Variants in ZNF875 observed in about 807,000 individuals in gnomAD.
ZNF875 encodes HKR1, GLI-Kruppel zinc finger family member.
In ZNF875, 14 loss-of-function variants were observed where a neutral mutation model predicts 11.2. That is an observed-to-expected ratio of 1.26 (90% confidence interval 0.83 to 1.96). The LOEUF is 1.96. Among genes scored for constraint, ZNF875 ranks in the 30% most tolerant of loss-of-function variants. ZNF875 has a pLI of 0.00. For synonymous variants in ZNF875, 301 were observed against 281.1 expected (o/e 1.07, Z -0.71); for missense variants, 752 against 760.4 (o/e 0.99, Z 0.13).
At chr19:37,332,351 G>A (rs1289361172), upstream of ZNF875, among the ~76,000 whole-genome samples, 3 of 151,908 alleles carry the variant, frequency 2.0e-5, no homozygotes, top group Non-Finnish European at 4.4e-5. Flanking sequence ...CCACAGGTGT[G>A]TAGGGGCAAC....
At chr19:37,314,959 G>C (rs2030122081), upstream of ZNF875, 1 of 151,990 alleles carries the variant, frequency 6.6e-6, no homozygotes, top group Non-Finnish European at 1.5e-5. Flanking sequence ...CAGTATATTT[G>C]CACAGTTGTG....
chr19:37,343,570 T>G (rs951384654), intron 2 of ZNF875, among the ~76,000 whole-genome samples: 2 of 152,112 alleles, frequency 1.3e-5, no homozygotes, highest in African/African-American at 4.8e-5. Context: ...GCTGGGATGC[T>G]TCAATTCCTG....
chr19:37,363,927 A>G lies in ZNF875; in HGVS notation c.*152A>G. ...TGTGTGTGATTATGCATGAGACTGT[A>G]CTGGTAAGACTTGTATCTCCATCCA... On this transcript the variant is annotated 3_prime_UTR_variant, in exon 5 of 5. Transcript: ENST00000392153. The G allele has an allele frequency of 1.6e-6, 1 of 634,346 alleles. No homozygotes were observed. The highest frequency in any genetic ancestry group is 2.8e-6 in the Non-Finnish European group (1 of 358,026). The allele number at this position is 634,346 out of a possible 1,614,324, so 39.3% of individuals were successfully genotyped here.
chr19:37,344,700 A>T (rs2036426756), intron 2 of ZNF875: 1 of 1,613,900 alleles, frequency 6.2e-7, no homozygotes, highest in African/African-American at 1.3e-5. Context: ...GGTCAACCAC[A>T]CAGTGTCTAC....
chr19:37,318,274 G>A (rs1479994898), intron 1 of ZNF875: 1 of 152,220 alleles, frequency 6.6e-6, no homozygotes, highest in Non-Finnish European at 1.5e-5. Context: ...TCGAAGGGAG[G>A]GAGTGATCAG....
intron 4 of ZNF875, chr19:37,328,934 TC>T (rs1175158454): frequency 1.3e-5 from 2 of 152,196 alleles, no homozygotes; most frequent in African/African-American, 2.4e-5. Flanking sequence ...CATAGTGTGG[TC>T]CTTGGACCAA....
intron 2 of ZNF875, chr19:37,346,257 A>C (rs1481002824): frequency 6.6e-6 from 1 of 152,192 alleles, no homozygotes; most frequent in East Asian, 1.9e-4. Flanking sequence ...CCTCACCACA[A>C]GCTGTGAGAT....
At chr19:37,314,262 C>T (rs1230434184), upstream of ZNF875, among the ~76,000 whole-genome samples, 1 of 152,038 alleles carries the variant, frequency 6.6e-6, no homozygotes, top group Non-Finnish European at 1.5e-5. Flanking sequence ...CAGGCATGCA[C>T]CAATACGCCC....
chr19:37,317,812 T>G (rs2030340897), upstream of ZNF875: 1 of 152,450 alleles, frequency 6.6e-6, no homozygotes, highest in African/African-American at 2.4e-5. Context: ...TTGTGTTGCC[T>G]GGAAACAGAC....
chr19:37,345,933 G>T (rs2146238375), intron 2 of ZNF875, among the ~76,000 whole-genome samples: 1 of 152,176 alleles, frequency 6.6e-6, no homozygotes, highest in African/African-American at 2.4e-5. Context: ...GGTAGCAGAG[G>T]TTCGTTTGAA....
chr19:37,363,528 C>T lies in ZNF875; in HGVS notation c.1676C>T (p.Ala559Val), dbSNP rs1341428425. Residue 559 changes from alanine (A) to valine (V), a missense_variant, in exon 5 of 5, where the codon GCC (alanine) becomes GTC (valine). Ala to Val is a moderately conservative substitution (Grantham distance 64). Coordinates refer to ENST00000392153, the MANE Select transcript of ZNF875 (RefSeq NM_001353803.2). Reference sequence around the variant, plus strand: ...AGGCACAAGAGGGCACACTCAGGTGCCTTTGTGTGCAGGGAGTGTGGGCAA... The same window carrying T: ...AGGCACAAGAGGGCACACTCAGGTGTCTTTGTGTGCAGGGAGTGTGGGCAA... ...LFRHKRAHSG[A>V]FVCRECGQGF... 1.2e-6 allele frequency: 2 copies of T among 1,613,044 alleles called. No individual in the cohort carries two copies. Among genetic ancestry groups the T allele is most frequent in the Non-Finnish European group, 8.5e-7 (1 of 1,179,450 alleles).
chr19:37,353,606 G>T (rs908628698), intron 4 of ZNF875, among the ~76,000 whole-genome samples: 6 of 152,054 alleles, frequency 3.9e-5, no homozygotes, highest in African/African-American at 1.2e-4. Context: ...CAGTTACCTG[G>T]CATTGGATTT....
At chr19:37,337,742 C>T (rs531040558) in intron 2 of ZNF875, 4 of 152,184 alleles carry the variant, frequency 2.6e-5, no homozygotes, top group Non-Finnish European at 4.4e-5. Context: ...AGCCCCCGGC[C>T]GAGGGGAAGC....
At chr19:37,340,340 A>G (rs2035435700) in intron 2 of ZNF875, among the ~76,000 whole-genome samples, 1 of 152,160 alleles carries the variant, frequency 6.6e-6, no homozygotes, top group Non-Finnish European at 1.5e-5. Context: ...GATTTTGATT[A>G]CCGGGGTAGA....
intron 2 of ZNF875, chr19:37,346,779 TC>T (rs1251838036): frequency 9.3e-6 from 2 of 214,888 alleles, no homozygotes; most frequent in Non-Finnish European, 1.9e-5. Flanking sequence ...TAATGGTCTT[TC>T]ACTCCTTGGT....
intron 2 of ZNF875, chr19:37,344,723 A>G: frequency 6.2e-7 from 1 of 1,613,594 alleles, no homozygotes; most frequent in Non-Finnish European, 8.5e-7. Flanking sequence ...TGCTCCCTAC[A>G]TGCATGGTTC....
Position 37,364,303 on chromosome 19 carries a change from C to G in ZNF875, c.*528C>G, listed in dbSNP as rs373103311. The G allele has an allele frequency of 1.3e-5, 2 of 154,856 alleles. No homozygotes were observed. The highest frequency in any genetic ancestry group is 2.9e-5 in the Non-Finnish European group (2 of 69,926). 9.6% of individuals were successfully genotyped at this position (154,856 alleles called of 1,614,324 possible). A position where few individuals can be genotyped will look rare whatever the true frequency, so the allele number is the denominator to read the frequency against. On this transcript the variant is annotated 3_prime_UTR_variant, in exon 5 of 5. Transcript: ENST00000392153. ...TACAAATCAGTCAACGTGTATTCCC[C>G]TATTCTGAGCCCATAAAAGACCCAG...
chr19:37,324,683 C>A (rs1322348949), intron 4 of ZNF875: 1 of 152,206 alleles, frequency 6.6e-6, no homozygotes, highest in Non-Finnish European at 1.5e-5. Flanking sequence ...ACTGCCATTT[C>A]AGTTACCCTA....
At chr19:37,347,424 A>T (rs2037025186) in intron 3 of ZNF875, 108 bp downstream of exon 3, 1 of 1,107,086 alleles carries the variant, frequency 9.0e-7, no homozygotes, top group Non-Finnish European at 1.3e-6. Context: ...TTGAGCTTGA[A>T]AACAATTTAC....
Sources: gnomAD v4.1 joint callset for allele counts (sites outside exome capture counted in the v4.1 genomes callset) on GRCh38, gnomAD v4.1.1 for gene constraint, MANE v1.5 for transcripts, NCBI Gene and HGNC (gene_info 2026-07-23, HGNC 2026-07-21) for gene names.